The following DCHS2 variants were observed in gnomAD, a reference collection of about 807,000 sequenced individuals.
The protein encoded by DCHS2 is dachsous cadherin-related 2.
DCHS2 carries 142 observed loss-of-function variants against 182.4 expected under a neutral mutation model. The ratio of observed to expected loss-of-function variants is 0.78; its 90% CI spans 0.68 to 0.89. The LOEUF is 0.89. Among genes scored for constraint, DCHS2 ranks in the 40% least tolerant of loss-of-function variants. The pLI is 0.00. For missense variants in DCHS2, 4,319 were observed against 4,198.6 expected, an observed-to-expected ratio of 1.03 and a Z score of -0.79; for synonymous variants, 1,740 against 1,663.3, an observed-to-expected ratio of 1.05 and a Z score of -1.12.
chr4:154,361,330 A>C (rs1171202518), intron 3 of DCHS2, among the ~76,000 whole-genome samples: 1 of 152,146 alleles, frequency 6.6e-6, no homozygotes, highest in African/African-American at 2.4e-5. Flanking sequence ...ATCTAAAATA[A>C]AAGTTGAAAA....
In DCHS2 at chr4:154,259,569, T is replaced by C. The variant is rs753841817; in HGVS notation, c.6765A>G (p.Gln2255=). The C allele has an allele frequency of 8.1e-6, 13 of 1,613,520 alleles. No individual in the cohort carries two copies. Among genetic ancestry groups the C allele is most frequent in the Admixed American group, 3.3e-5 (2 of 59,962 alleles). The change falls in exon 15 of 20, where the codon CAA becomes CAG. Residue 2255 remains glutamine (Q), a synonymous_variant. Transcript: ENST00000357232. ...SIYQASVSES[Q]LYNAHVIQVF... The stretch of plus-strand genomic sequence containing the variant: ...CCTGTATGACATGAGCATTGTAGAG[T>C]TGGCTTTCAGACACTGATGCCTGGT...
intron 3 of DCHS2, among the ~76,000 whole-genome samples, chr4:154,342,272 G>T (rs752655364): frequency 1.3e-5 from 2 of 152,102 alleles, no homozygotes; most frequent in African/African-American, 4.8e-5. Context: ...CTTCTTGCTG[G>T]TGGAGGGGCT....
chr4:154,366,345 T>C lies in DCHS2; in HGVS notation c.2341A>G (p.Ser781Gly). Reference protein sequence around the residue: ...FNPSTYVTSISDETQPGTEII... With the variant: ...FNPSTYVTSIGDETQPGTEII... ...TCGGTGCCTGGCTGGGTCTCATCAC[T>C]GATGCTCGTCACATAGGTTGATGGG... The change falls in exon 3 of 20, where the codon AGT becomes GGT. Residue 781 changes from serine (S) to glycine (G), a missense_variant. Ser to Gly is a moderately conservative substitution (Grantham distance 56, BLOSUM62 0). Coordinates refer to ENST00000357232, the MANE Select transcript of DCHS2 (RefSeq NM_001358235.2). 1 of 1,613,760 alleles carries C rather than the reference T, an allele frequency of 6.2e-7. No homozygotes were observed. Among genetic ancestry groups the C allele is most frequent in the East Asian group, 2.2e-5 (1 of 44,844 alleles).
At chr4:154,468,233 T>G (rs1342022855) in intron 1 of DCHS2, among the ~76,000 whole-genome samples, 1 of 152,156 alleles carries the variant, frequency 6.6e-6, no homozygotes, top group Non-Finnish European at 1.5e-5. Context: ...TTAGAATGTT[T>G]TTTCAGCTCA....
intron 3 of DCHS2, 58 bp downstream of exon 3, chr4:154,366,152 A>T (rs1730340215): frequency 7.2e-7 from 1 of 1,390,446 alleles, no homozygotes; most frequent in Non-Finnish European, 1.0e-6. Flanking sequence ...TCTGGCTGTT[A>T]AGTAGTTAAG....
At chr4:154,238,903 A>T (rs77649738) in intron 19 of DCHS2, among the ~76,000 whole-genome samples, 3,093 of 152,196 alleles carry the variant, frequency 0.02, 117 homozygotes, top group African/African-American at 0.07. Flanking sequence ...GGTGTTTATT[A>T]TACTGGGGTC....
At position 154,242,788 on chromosome 4, in the gene DCHS2, A is replaced by T; in HGVS notation, c.6942-16T>A. On this transcript the variant is annotated splice_polypyrimidine_tract_variant and intron_variant, in intron 16 of 19. Coordinates refer to ENST00000357232, the MANE Select transcript of DCHS2 (RefSeq NM_001358235.2). ...GACAATCAAGCTGGTTTGGAAAAAG[A>T]ATCAAAGAATGTGATTCATCATCCA... 1 of 1,591,264 alleles carries T rather than the reference A, an allele frequency of 6.3e-7. No individual in the cohort carries two copies. Among genetic ancestry groups the T allele is most frequent in the African/African-American group, 1.4e-5 (1 of 73,678 alleles).
At chr4:154,322,284 A>T in intron 8 of DCHS2, 47 bp downstream of exon 8, 1 of 1,609,190 alleles carries the variant, frequency 6.2e-7, no homozygotes. Context: ...ATGAAAGTCA[A>T]ATGAAATCTT....
In DCHS2 at chr4:154,233,505, TA is replaced by T. The variant is rs1323699285; in HGVS notation, c.*1030del. On this transcript the variant is annotated 3_prime_UTR_variant, in exon 20 of 20. Coordinates refer to ENST00000357232, the MANE Select transcript of DCHS2 (RefSeq NM_001358235.2). ...AAACATTTCCATAAAAAACTTCATTTAAAAATATATTGCTAAATTACTCTAT... is the reference window on the plus strand; with the variant it reads ...AAACATTTCCATAAAAAACTTCATTTAAAATATATTGCTAAATTACTCTAT... The T allele has an allele frequency of 2.0e-5, 3 of 152,218 alleles. No homozygotes were observed. Among genetic ancestry groups the T allele is most frequent in the Admixed American group, 6.6e-5 (1 of 15,266 alleles). 9.4% of individuals were successfully genotyped at this position (152,218 alleles called of 1,614,324 possible).
intron 2 of DCHS2, among the ~76,000 whole-genome samples, chr4:154,369,171 T>C (rs1260773713): frequency 6.6e-6 from 1 of 152,158 alleles, no homozygotes; most frequent in Non-Finnish European, 1.5e-5. Context: ...ATCTAGATTT[T>C]AGAAAGAGGT....
rs555082467 is a variant in DCHS2 at position 154,488,762 on chromosome 4, A to G, written c.2052+542T>C. Among the ~76,000 whole-genome samples the G allele has an allele frequency of 1.4e-4, 22 of 152,140 alleles. 1 individual carries two copies. The South Asian group carries it at 4.4e-3, about 30-fold the overall frequency. On this transcript the variant is annotated intron_variant, in intron 1 of 19. Coordinates refer to ENST00000357232, the MANE Select transcript of DCHS2 (RefSeq NM_001358235.2). ...CACTAAAAAAATACAGAAATTAGCC[A>G]GGTATGGTGGCAGGCAGGAGAATTG...
intron 1 of DCHS2, among the ~76,000 whole-genome samples, chr4:154,420,444 T>A (rs139287330): frequency 2.2e-4 from 34 of 152,282 alleles, no homozygotes; most frequent in African/African-American, 7.7e-4. Flanking sequence ...CATACCTCAG[T>A]ACGTGTCCAA....
intron 2 of DCHS2, chr4:154,373,949 G>C: frequency 6.3e-7 from 1 of 1,594,374 alleles, no homozygotes; most frequent in Non-Finnish European, 8.5e-7. Flanking sequence ...GTCATTCTCT[G>C]CTCATCCTGA....
intron 3 of DCHS2, among the ~76,000 whole-genome samples, chr4:154,361,440 G>A (rs780009036): frequency 2.6e-5 from 4 of 152,086 alleles, no homozygotes; most frequent in African/African-American, 4.8e-5. Context: ...CACTTCAAAC[G>A]ATGGAGGAAG....
At chr4:154,468,162 G>T (rs562368796) in intron 1 of DCHS2, among the ~76,000 whole-genome samples, 4 of 152,174 alleles carry the variant, frequency 2.6e-5, no homozygotes, top group Admixed American at 2.6e-4. Flanking sequence ...CTTACCCAAT[G>T]ACTAGAGAGT....
chr4:154,481,146 G>C (rs114054382), intron 1 of DCHS2, among the ~76,000 whole-genome samples: 1 of 152,142 alleles, frequency 6.6e-6, no homozygotes, highest in Non-Finnish European at 1.5e-5. Flanking sequence ...TGGAAGCCCT[G>C]GGTATTAATT....
chr4:154,376,454 TA>T (rs34265927), intron 2 of DCHS2, among the ~76,000 whole-genome samples: 1 of 151,598 alleles, frequency 6.6e-6, no homozygotes, highest in African/African-American at 2.4e-5. Flanking sequence ...AAGTTACTAT[TA>T]AAAAAAACTG....
At chr4:154,361,214 G>A (rs1730104476) in intron 3 of DCHS2, among the ~76,000 whole-genome samples, 1 of 152,116 alleles carries the variant, frequency 6.6e-6, no homozygotes, top group Non-Finnish European at 1.5e-5. Flanking sequence ...CAGCACAAAA[G>A]CTTGAAACCT....
At chr4:154,340,108 G>A (rs1290342325) in intron 3 of DCHS2, among the ~76,000 whole-genome samples, 1 of 148,004 alleles carries the variant, frequency 6.8e-6, no homozygotes, top group Non-Finnish European at 1.5e-5. Flanking sequence ...GGACTATGAA[G>A]GAAACTTGTA....
Sources: allele counts gnomAD v4.1 joint callset (sites outside exome capture counted in the v4.1 genomes callset), GRCh38; gene constraint gnomAD v4.1.1; transcripts MANE v1.5; gene names NCBI Gene and HGNC (gene_info 2026-07-23, HGNC 2026-07-21).